Variants in GPC6 observed in about 807,000 individuals in gnomAD.
GPC6 encodes the protein glypican-6.
In GPC6, 14 loss-of-function variants were observed where a neutral mutation model predicts 55.2. That is an observed-to-expected ratio of 0.25 (90% CI 0.17 to 0.40). GPC6 has a LOEUF of 0.40. GPC6 is among the 10% of genes least tolerant of loss of function. GPC6 has a pLI of 1.00. For synonymous variants in GPC6, 278 were observed against 259.6 expected, an observed-to-expected ratio of 1.07 and a Z score of -0.68; for missense variants, 641 against 708.5, an observed-to-expected ratio of 0.90 and a Z score of 1.08.
intron 3 of GPC6, among the ~76,000 whole-genome samples, chr13:94,015,353 C>CT (rs1315265950): frequency 6.6e-6 from 1 of 152,066 alleles, no homozygotes; most frequent in African/African-American, 2.4e-5. Context: ...CTACTCAAAT[C>CT]TTTTGCCTGT....
chr13:93,393,568 A>G (rs1875730517), intron 1 of GPC6, among the ~76,000 whole-genome samples: 1 of 152,020 alleles, frequency 6.6e-6, no homozygotes, highest in Non-Finnish European at 1.5e-5. Context: ...ATTAAATCCC[A>G]AGCTTGAAAA....
At chr13:94,382,860 T>C (rs1594227576) in intron 7 of GPC6, among the ~76,000 whole-genome samples, 1 of 152,236 alleles carries the variant, frequency 6.6e-6, no homozygotes, top group African/African-American at 2.4e-5. Context: ...GTTCACTTAA[T>C]GGCTTTAAGA....
At chr13:93,656,216 CAT>C (rs1401862835) in intron 2 of GPC6, among the ~76,000 whole-genome samples, 3 of 152,038 alleles carry the variant, frequency 2.0e-5, no homozygotes, top group Admixed American at 6.5e-5. Flanking sequence ...CAAAAAGAAA[CAT>C]ATTGGATAAT....
intron 2 of GPC6, among the ~76,000 whole-genome samples, chr13:93,725,852 A>G (rs966586611): frequency 1.3e-5 from 2 of 152,086 alleles, no homozygotes; most frequent in Non-Finnish European, 2.9e-5. Context: ...TGGTGAATGG[A>G]TAATAAAATA....
chr13:93,655,944 T>C (rs994564823), intron 2 of GPC6, among the ~76,000 whole-genome samples: 3 of 152,212 alleles, frequency 2.0e-5, no homozygotes, highest in African/African-American at 7.2e-5. Context: ...TATATGAATT[T>C]ATTCTTTTGA....
At chr13:93,245,793 C>T (rs1876584475) in intron 1 of GPC6, among the ~76,000 whole-genome samples, 1 of 152,168 alleles carries the variant, frequency 6.6e-6, no homozygotes, top group African/African-American at 2.4e-5. Context: ...TTAGATCTCC[C>T]CGCATACTTT....
chr13:93,886,933 G>T (rs7983687), intron 3 of GPC6, among the ~76,000 whole-genome samples: 90,129 of 151,576 alleles, frequency 0.59, 27,468 homozygotes, highest in East Asian at 0.81. Flanking sequence ...GAATACATGC[G>T]TCTAACTGGA....
chr13:93,585,966 T>C (rs1043326082), intron 2 of GPC6, among the ~76,000 whole-genome samples: 1 of 152,224 alleles, frequency 6.6e-6, no homozygotes, highest in Non-Finnish European at 1.5e-5. Context: ...CAGTTTCTTT[T>C]TTTTTTAACT....
intron 3 of GPC6, among the ~76,000 whole-genome samples, chr13:93,877,347 A>G (rs1285507117): frequency 1.3e-5 from 2 of 152,072 alleles, no homozygotes; most frequent in Non-Finnish European, 2.9e-5. Context: ...GTTGTTATCC[A>G]TGGGTATGTT....
At chr13:93,609,222 T>C (rs1294783895) in intron 2 of GPC6, among the ~76,000 whole-genome samples, 1 of 152,160 alleles carries the variant, frequency 6.6e-6, no homozygotes, top group African/African-American at 2.4e-5. Context: ...TTTGTTGTTG[T>C]TGTTGTTGTT....
intron 4 of GPC6, among the ~76,000 whole-genome samples, chr13:94,101,339 A>G (rs1885851759): frequency 6.6e-6 from 1 of 151,936 alleles, no homozygotes; most frequent in Non-Finnish European, 1.5e-5. Context: ...GCAGCCTTTC[A>G]GTCATACTCA....
intron 6 of GPC6, among the ~76,000 whole-genome samples, chr13:94,378,826 A>G (rs1306309503): frequency 3.3e-5 from 5 of 152,246 alleles, no homozygotes; most frequent in Non-Finnish European, 7.3e-5. Flanking sequence ...GATCGTAAAT[A>G]CTGTTCACAA....
At chr13:94,370,109 G>A (rs1009943816) in intron 6 of GPC6, among the ~76,000 whole-genome samples, 1 of 152,234 alleles carries the variant, frequency 6.6e-6, no homozygotes, top group African/African-American at 2.4e-5. Flanking sequence ...GTGGCTAAAA[G>A]CCATGGCTTC....
At chr13:94,075,008 A>G (rs1025723332) in intron 4 of GPC6, among the ~76,000 whole-genome samples, 1 of 151,540 alleles carries the variant, frequency 6.6e-6, no homozygotes, top group African/African-American at 2.4e-5. Context: ...TTACTCCTAG[A>G]CCTTAAATTT....
chr13:93,451,414 G>C (rs764788528), intron 1 of GPC6, among the ~76,000 whole-genome samples: 1 of 152,198 alleles, frequency 6.6e-6, no homozygotes, highest in Non-Finnish European at 1.5e-5. Flanking sequence ...CTGGTTTTGT[G>C]TGGCCCACAA....
At chr13:93,880,195 C>T (rs1182094475) in intron 3 of GPC6, among the ~76,000 whole-genome samples, 3 of 150,382 alleles carry the variant, frequency 2.0e-5, no homozygotes, top group African/African-American at 7.3e-5. Context: ...TACCATTTGA[C>T]CCAGCCATCC....
intron 1 of GPC6, among the ~76,000 whole-genome samples, chr13:93,297,294 C>T (rs1178552887): frequency 6.6e-6 from 1 of 152,132 alleles, no homozygotes; most frequent in African/African-American, 2.4e-5. Context: ...GCAACACACA[C>T]TGTGGCCTAC....
At chr13:93,454,860 G>A (rs1025905095) in intron 1 of GPC6, among the ~76,000 whole-genome samples, 4 of 152,238 alleles carry the variant, frequency 2.6e-5, no homozygotes, top group Non-Finnish European at 4.4e-5. Flanking sequence ...AGGAGGCTTG[G>A]GCCGCACAGG....
chr13:94,125,572 AT>A (rs1250734975), intron 4 of GPC6, among the ~76,000 whole-genome samples: 1 of 152,094 alleles, frequency 6.6e-6, no homozygotes, highest in Non-Finnish European at 1.5e-5. Context: ...AAATAATCTT[AT>A]CTTCCTGATC....
Sources: gnomAD v4.1 joint callset for allele counts (sites outside exome capture counted in the v4.1 genomes callset) on GRCh38, gnomAD v4.1.1 for gene constraint, MANE v1.5 for transcripts, NCBI Gene and HGNC (gene_info 2026-07-23, HGNC 2026-07-21) for gene names.